MED24: variants seen among roughly 807,000 people sequenced by gnomAD.
MED24 encodes the protein mediator complex subunit 24.
In MED24, 74 loss-of-function variants were observed where a neutral mutation model predicts 118.8. That is an observed-to-expected ratio of 0.62 (90% CI 0.52 to 0.76). The LOEUF is 0.76. MED24 is among the 30% of genes least tolerant of loss of function. The pLI, the probability that MED24 is intolerant of heterozygous loss-of-function variation, is 0.00. For missense variants in MED24, 1,041 were observed against 1,278.9 expected (o/e 0.81, Z 2.84); for synonymous variants, 521 against 523.9 (o/e 0.99, Z 0.08).
At chr17:40,042,503 T>A (rs1190324739) in intron 3 of MED24, among the ~76,000 whole-genome samples, 1 of 152,096 alleles carries the variant, frequency 6.6e-6, no homozygotes, top group Non-Finnish European at 1.5e-5. Flanking sequence ...TGAAACCCCA[T>A]CTCTACTAAA....
chr17:40,021,933 C>T (rs769174817), intron 23 of MED24, 22 bp downstream of exon 23: 13 of 1,529,346 alleles, frequency 8.5e-6, no homozygotes, highest in East Asian at 2.3e-5. Context: ...AGGAGCGGCG[C>T]GCGGCCAGCC....
intron 1 of MED24, chr17:40,054,037 G>A (rs1251547682): frequency 2.8e-5 from 7 of 249,536 alleles, no homozygotes; most frequent in African/African-American, 1.5e-4. Flanking sequence ...GGCTGAGGCA[G>A]TAGAATCGCT....
chr17:40,025,466 C>A (rs1208582918), intron 19 of MED24, among the ~76,000 whole-genome samples: 1 of 152,042 alleles, frequency 6.6e-6, no homozygotes, highest in Non-Finnish European at 1.5e-5. Flanking sequence ...ACAACAACAA[C>A]AAAAAGTATA....
intron 3 of MED24, among the ~76,000 whole-genome samples, chr17:40,036,438 C>A (rs1450078883): frequency 1.3e-5 from 2 of 152,172 alleles, no homozygotes; most frequent in African/African-American, 4.8e-5. Context: ...TGCCTGTAAT[C>A]CCAAAACTTT....
chr17:40,030,518 A>G (rs1251807270), intron 12 of MED24, among the ~76,000 whole-genome samples: 2 of 149,214 alleles, frequency 1.3e-5, no homozygotes, highest in Non-Finnish European at 3.0e-5. Context: ...CTGGTCTCAA[A>G]CTCCTGACCT....
rs1208749765 is a variant in MED24 at position 40,026,909 on chromosome 17, G to T, written c.1656C>A (p.Thr552=). ...GCAGGGCCACCAGGGACTCCACTTT[G>T]GTGGAGTCGGGGCGGAAGCAGGGGT... is the stretch of plus-strand genomic sequence containing the variant. ...PDHPCFRPDS[T]KVESLVALLN... The change falls in exon 17 of 26, where the codon ACC becomes ACA. Residue 552 remains threonine, a synonymous_variant. Transcript: ENST00000394128. The T allele has an allele frequency of 6.2e-7, 1 of 1,614,072 alleles. No homozygotes were observed. The highest frequency in any genetic ancestry group is 1.7e-5 in the Admixed American group (1 of 59,960).
intron 17 of MED24, 34 bp downstream of exon 17, chr17:40,026,822 C>G: frequency 6.2e-7 from 1 of 1,611,366 alleles, no homozygotes. Flanking sequence ...CTGCCCCCAC[C>G]GCCACCCTTG....
chr17:40,027,506 G>A (rs536904931), intron 15 of MED24, 41 bp from the exon 16 acceptor site: 3 of 1,565,036 alleles, frequency 1.9e-6, no homozygotes, highest in Non-Finnish European at 1.7e-6. Context: ...GACGAGGGCA[G>A]GGGGGAGCCC....
At chr17:40,020,502 G>A (rs1981845521) in intron 23 of MED24, 149 bp from the exon 24 acceptor site, 1 of 1,527,394 alleles carries the variant, frequency 6.5e-7, no homozygotes, top group Non-Finnish European at 8.8e-7. Flanking sequence ...AGAGCACAAA[G>A]GGAGGCCAGG....
intron 3 of MED24, among the ~76,000 whole-genome samples, chr17:40,040,342 G>A (rs1984427371): frequency 6.6e-6 from 1 of 152,062 alleles, no homozygotes. Context: ...CTCCCAAAGT[G>A]CTGGGATTAC....
At chr17:40,028,091 G>T (rs1360429761) in intron 14 of MED24, 145 bp from the exon 15 acceptor site, 3 of 803,062 alleles carry the variant, frequency 3.7e-6, no homozygotes, top group African/African-American at 1.7e-5. Flanking sequence ...ATAGAAAAAA[G>T]GTTTTTGTGG....
chr17:40,019,463 T>C lies in MED24; in HGVS notation c.*66A>G, dbSNP rs1011223875. ...GGCACGATGCCTCATCTTTCCTCACTGCTTCCCTTGGAGGCGCCTGGGGCT... is the reference window on the plus strand; with the variant it reads ...GGCACGATGCCTCATCTTTCCTCACCGCTTCCCTTGGAGGCGCCTGGGGCT... On this transcript the variant is annotated 3_prime_UTR_variant, in exon 26 of 26. Coordinates refer to ENST00000394128, the MANE Select transcript of MED24 (RefSeq NM_014815.4). 24 of 1,370,306 alleles carry C rather than the reference T, an allele frequency of 1.8e-5. 1 individual carries two copies. The Admixed American group carries it at 4.3e-4, about 24-fold the overall frequency. 84.9% of individuals were successfully genotyped at this position (1,370,306 alleles called of 1,614,324 possible). A position where few individuals can be genotyped will look rare whatever the true frequency, so the allele number is the denominator to read the frequency against.
intron 3 of MED24, among the ~76,000 whole-genome samples, chr17:40,047,663 TA>T (rs200614643): frequency 2.1e-5 from 3 of 141,230 alleles, no homozygotes; most frequent in East Asian, 4.1e-4. Context: ...CTCCATCTCA[TA>T]AAAAAAAACA....
At chr17:40,023,916 C>T (rs924130199) in intron 19 of MED24, among the ~76,000 whole-genome samples, 3 of 152,144 alleles carry the variant, frequency 2.0e-5, no homozygotes, top group African/African-American at 4.8e-5. Flanking sequence ...AAAGAGGCTT[C>T]GGAAGTGAAT....
At chr17:40,027,750 T>C (rs1324182337) in intron 15 of MED24, 159 bp downstream of exon 15, 3 of 808,670 alleles carry the variant, frequency 3.7e-6, no homozygotes, top group South Asian at 3.2e-5. Context: ...TCCAGCATTA[T>C]CCACTTTCAA....
rs780537743 is a variant in MED24, at chr17:40,019,576, G to A, written c.2923C>T (p.Leu975=). Residue 975 remains leucine (L), a synonymous_variant, in exon 26 of 26, where the codon CTG becomes TTG. Transcript: ENST00000394128. ...KVVLAITDLS[L]PLGRQVAAKA... The stretch of plus-strand genomic sequence containing the variant: ...GCAGCCACCTGGCGGCCCAGGGGCA[G>A]GCTGAGGTCCGTGATGGCCAGAACC... 5 of 1,612,594 alleles carry A rather than the reference G, an allele frequency of 3.1e-6. No homozygotes were observed. Among genetic ancestry groups the A allele is most frequent in the African/African-American group, 1.3e-5 (1 of 75,058 alleles).
chr17:40,020,420 G>A (rs561030686), intron 23 of MED24, 67 bp from the exon 24 acceptor site: 18 of 1,552,782 alleles, frequency 1.2e-5, no homozygotes, highest in Non-Finnish European at 1.6e-5. Flanking sequence ...GCTCCCCGGG[G>A]ATGCCCCAAC....
At chr17:40,049,045 G>A (rs921541473) in intron 3 of MED24, among the ~76,000 whole-genome samples, 3 of 152,026 alleles carry the variant, frequency 2.0e-5, no homozygotes, top group Non-Finnish European at 2.9e-5. Context: ...TTTGAAGACT[G>A]TAAAGGGGTC....
In MED24 at chr17:40,026,921, G is replaced by A. The variant is rs1197923664; in HGVS notation, c.1644C>T (p.Arg548=). Residue 548 remains arginine, a synonymous_variant, in exon 17 of 26, where the codon CGC becomes CGT. Transcript: ENST00000394128. ...GGGACTCCACTTTGGTGGAGTCGGG[G>A]CGGAAGCAGGGGTGGTCAGGGTTCA... ...KILNPDHPCF[R]PDSTKVESLV... 1 of 1,614,180 alleles carries A rather than the reference G, an allele frequency of 6.2e-7. No homozygotes were observed. Among genetic ancestry groups the A allele is most frequent in the African/African-American group, 1.3e-5 (1 of 75,070 alleles).
Sources: gnomAD v4.1 joint callset for allele counts (sites outside exome capture counted in the v4.1 genomes callset) on GRCh38, gnomAD v4.1.1 for gene constraint, MANE v1.5 for transcripts, NCBI Gene and HGNC (gene_info 2026-07-23, HGNC 2026-07-21) for gene names.